Variants in AATF observed in about 807,000 individuals in gnomAD.
AATF encodes the protein protein AATF.
Under a neutral mutation model 63.7 loss-of-function variants are expected in AATF, and 48 were observed. That is an observed-to-expected ratio of 0.75 (90% confidence interval 0.60 to 0.96). The LOEUF is 0.96. Ranked by LOEUF, AATF falls within the 40% of genes least tolerant of loss-of-function variation. The pLI, the probability that AATF is intolerant of heterozygous loss-of-function variation, is 0.00. For missense variants in AATF, 639 were observed against 685.7 expected, an observed-to-expected ratio of 0.93 and a Z score of 0.76; for synonymous variants, 258 against 247.7, an observed-to-expected ratio of 1.04 and a Z score of -0.39.
intron 8 of AATF, among the ~76,000 whole-genome samples, chr17:37,006,097 G>A (rs181618913): frequency 3.3e-5 from 5 of 152,044 alleles, no homozygotes; most frequent in South Asian, 2.1e-4. Context: ...TGATTGTGCC[G>A]CTATACTCCA....
At chr17:37,011,721 G>C (rs982356761) in intron 8 of AATF, among the ~76,000 whole-genome samples, 3 of 152,172 alleles carry the variant, frequency 2.0e-5, no homozygotes, top group Non-Finnish European at 4.4e-5. Context: ...TTTCAGTGAG[G>C]TGAGAAAGTC....
rs370045628 is a variant in AATF at position 37,022,672 on chromosome 17, T to G, written c.1547+1658T>G. On this transcript the variant is annotated intron_variant, in intron 10 of 11. Coordinates refer to ENST00000619387, the MANE Select transcript of AATF (RefSeq NM_012138.4). The stretch of plus-strand genomic sequence containing the variant: ...TAGTAGTTACTTTGGGCAAGACCCT[T>G]AAACTCTGTGCTAGTTTCTTCATCT... 2.6e-5 allele frequency among the ~76,000 whole-genome samples: 4 copies of G among 152,206 alleles called. No homozygotes were observed. The South Asian group carries it at 8.3e-4, about 31-fold the overall frequency.
At chr17:37,010,775 G>T (rs534078782) in intron 8 of AATF, among the ~76,000 whole-genome samples, 1 of 152,308 alleles carries the variant, frequency 6.6e-6, no homozygotes, top group South Asian at 2.1e-4. Context: ...AGGGAAGCCT[G>T]TTCCCGCAGT....
chr17:36,953,636 G>C (rs1159213457), intron 3 of AATF, 134 bp from the exon 4 acceptor site: 3 of 850,986 alleles, frequency 3.5e-6, no homozygotes, highest in Non-Finnish European at 5.5e-6. Flanking sequence ...GAGAATATTT[G>C]TTTCCATGGC....
At chr17:37,029,918 G>A (rs1223322277) in intron 10 of AATF, among the ~76,000 whole-genome samples, 2 of 152,032 alleles carry the variant, frequency 1.3e-5, no homozygotes, top group African/African-American at 4.8e-5. Context: ...GCCCAGGCTG[G>A]TCTTGAACTC....
intron 6 of AATF, 100 bp downstream of exon 6, chr17:36,988,820 C>A: frequency 8.7e-7 from 1 of 1,151,798 alleles, no homozygotes; most frequent in Non-Finnish European, 1.2e-6. Context: ...TGGATGTTGT[C>A]ACGATGTAAT....
At chr17:36,985,132 C>T (rs1382965689) in intron 4 of AATF, among the ~76,000 whole-genome samples, 1 of 152,050 alleles carries the variant, frequency 6.6e-6, no homozygotes, top group African/African-American at 2.4e-5. Flanking sequence ...GATCTCCTGA[C>T]CTTAGATGAT....
intron 10 of AATF, among the ~76,000 whole-genome samples, chr17:37,024,601 G>A (rs939903756): frequency 6.6e-6 from 1 of 152,202 alleles, no homozygotes; most frequent in South Asian, 2.1e-4. Context: ...ACTTTATTCT[G>A]TAGACTGTAG....
intron 4 of AATF, among the ~76,000 whole-genome samples, chr17:36,957,107 A>T (rs1168351988): frequency 6.6e-6 from 1 of 152,202 alleles, no homozygotes; most frequent in East Asian, 1.9e-4. Context: ...AACCACTGGA[A>T]CTTACTGTCT....
chr17:37,011,610 C>A (rs181703862), intron 8 of AATF, among the ~76,000 whole-genome samples: 3 of 152,170 alleles, frequency 2.0e-5, no homozygotes, highest in Admixed American at 6.5e-5. Flanking sequence ...AAGATTGGAA[C>A]TGAGTCGTGA....
chr17:37,034,551 G>T (rs1002883732), intron 11 of AATF: 1 of 151,894 alleles, frequency 6.6e-6, no homozygotes, highest in Non-Finnish European at 1.5e-5. Context: ...TTGGTGTGCC[G>T]GGGGCATAGA....
At chr17:37,023,540 TAAA>T (rs2071488622) in intron 10 of AATF, among the ~76,000 whole-genome samples, 2 of 146,048 alleles carry the variant, frequency 1.4e-5, no homozygotes, top group African/African-American at 5.1e-5. Context: ...AAACAGAGTT[TAAA>T]AAGAGGCATT....
At chr17:37,039,390 C>A (rs2071618572) in intron 11 of AATF, among the ~76,000 whole-genome samples, 1 of 152,186 alleles carries the variant, frequency 6.6e-6, no homozygotes, top group Non-Finnish European at 1.5e-5. Flanking sequence ...GATGTTTTAA[C>A]TGGGGCTACC....
intron 11 of AATF, among the ~76,000 whole-genome samples, chr17:37,036,593 A>T (rs1014225429): frequency 1.3e-5 from 2 of 151,766 alleles, no homozygotes; most frequent in Non-Finnish European, 2.9e-5. Context: ...TCTTCAAGCG[A>T]TCTATTTTTT....
At chr17:36,949,404 A>G (rs575046688) in intron 1 of AATF, among the ~76,000 whole-genome samples, 188 bp downstream of exon 1, 3 of 152,176 alleles carry the variant, frequency 2.0e-5, no homozygotes, top group South Asian at 4.1e-4. Context: ...TTTCACACGC[A>G]CTCGAAACTT....
At chr17:37,027,315 A>G (rs1452462822) in intron 10 of AATF, among the ~76,000 whole-genome samples, 1 of 152,168 alleles carries the variant, frequency 6.6e-6, no homozygotes, top group East Asian at 1.9e-4. Flanking sequence ...CTGTTCTTCC[A>G]CAACAAAATA....
Position 36,953,925 on chromosome 17 carries a change from C to G in AATF, c.832+18C>G. 6.2e-7 allele frequency: 1 copy of G among 1,610,888 alleles called. No individual in the cohort carries two copies. The highest frequency in any genetic ancestry group is 2.2e-5 in the East Asian group (1 of 44,870). On this transcript the variant is annotated intron_variant, in intron 4 of 11. Transcript: ENST00000619387. Reference sequence around the variant, plus strand: ...GAAAAATAGTAAGAATACTTATGTCCTGTTGGAATACTTAGAACCACTTTG... The same window carrying G: ...GAAAAATAGTAAGAATACTTATGTCGTGTTGGAATACTTAGAACCACTTTG...
intron 10 of AATF, chr17:37,021,272 GAAAAC>G (rs2142289303): frequency 2.7e-6 from 1 of 366,598 alleles, no homozygotes; most frequent in East Asian, 4.4e-5. Context: ...GAAAAAATAA[GAAAAC>G]AAAAGTAAAA....
chr17:36,956,411 G>A (rs1168026350), intron 4 of AATF, among the ~76,000 whole-genome samples: 4 of 152,170 alleles, frequency 2.6e-5, no homozygotes, highest in South Asian at 2.1e-4. Flanking sequence ...AGTGGCTCAC[G>A]CCTGTAATGC....
Sources: allele counts gnomAD v4.1 joint callset (sites outside exome capture counted in the v4.1 genomes callset), GRCh38; gene constraint gnomAD v4.1.1; transcripts MANE v1.5; gene names NCBI Gene and HGNC (gene_info 2026-07-23, HGNC 2026-07-21).